The following DRC8 variants were observed in gnomAD, a reference collection of about 807,000 sequenced individuals.
DRC8 encodes the protein dynein regulatory complex protein 8.
the DRC8 span, among the ~76,000 whole-genome samples, chr1:245,088,389 T>C: frequency 6.7e-6 from 1 of 150,286 alleles, no homozygotes; most frequent in African/African-American, 2.5e-5. This position sits in a 1 kb window ranked among gnomAD's most constrained non-coding sequence, Gnocchi z 4.6. Flanking sequence ...TATATGTGTG[T>C]ATCTACATAG....
the DRC8 span, among the ~76,000 whole-genome samples, chr1:245,072,761 C>G: frequency 6.6e-6 from 1 of 152,192 alleles, no homozygotes; most frequent in Non-Finnish European, 1.5e-5. Context: ...AGGCATGGCT[C>G]GGGCCGTCCC....
At chr1:245,048,050 T>G in the DRC8 span, among the ~76,000 whole-genome samples, 1 of 151,792 alleles carries the variant, frequency 6.6e-6, no homozygotes, top group South Asian at 2.1e-4. Flanking sequence ...ATAAAGGTCT[T>G]GATTATCATC....
the DRC8 span, among the ~76,000 whole-genome samples, chr1:245,084,541 A>G: frequency 6.6e-6 from 1 of 152,176 alleles, no homozygotes. Flanking sequence ...ACACTTATAT[A>G]TATATGCCAA....
At chr1:244,971,828 A>G in the DRC8 span, among the ~76,000 whole-genome samples, 1 of 152,290 alleles carries the variant, frequency 6.6e-6, no homozygotes, top group African/African-American at 2.4e-5. Flanking sequence ...CGTGATTTTT[A>G]TGTAATATTA....
the DRC8 span, among the ~76,000 whole-genome samples, chr1:245,046,544 T>C: frequency 2.6e-5 from 4 of 152,198 alleles, no homozygotes; most frequent in Non-Finnish European, 4.4e-5. Context: ...TTCTGCTGTT[T>C]TCCCATGTCT....
At chr1:245,116,903 AT>A in the DRC8 span, among the ~76,000 whole-genome samples, 2,349 of 152,294 alleles carry the variant, frequency 0.015, 47 homozygotes, top group African/African-American at 0.052. Context: ...GCCAGCAACG[AT>A]TTTATCTGAC....
chr1:245,080,251 C>T, the DRC8 span, among the ~76,000 whole-genome samples: 1 of 152,074 alleles, frequency 6.6e-6, no homozygotes, highest in Non-Finnish European at 1.5e-5. Flanking sequence ...ATGTACAGCT[C>T]CTTATAGATA....
At chr1:245,007,221 C>T in the DRC8 span, among the ~76,000 whole-genome samples, 1,216 of 151,910 alleles carry the variant, frequency 8.0e-3, 8 homozygotes, top group Non-Finnish European at 0.012. Context: ...AAAGCCTGGT[C>T]TCTTCAACAA....
At chr1:245,016,434 C>G in the DRC8 span, among the ~76,000 whole-genome samples, 3 of 152,300 alleles carry the variant, frequency 2.0e-5, no homozygotes, top group East Asian at 5.8e-4. Context: ...GTCGCCTTAC[C>G]ACAGAGGCAG....
chr1:245,040,809 C>G, the DRC8 span, among the ~76,000 whole-genome samples: 51 of 152,112 alleles, frequency 3.4e-4, no homozygotes, highest in African/African-American at 1.2e-3. Flanking sequence ...AATTACTCAA[C>G]AAATATTTGA....
chr1:245,124,290 A>G, the DRC8 span: 42,062 of 152,110 alleles, frequency 0.28, 7,361 homozygotes, highest in African/African-American at 0.46. Context: ...GGGTCTTCTG[A>G]CAGGCTCCTT....
chr1:244,988,628 A>G, the DRC8 span, among the ~76,000 whole-genome samples: 1 of 152,220 alleles, frequency 6.6e-6, no homozygotes, highest in Non-Finnish European at 1.5e-5. Context: ...AGTAATGCTA[A>G]TAACACTGAG....
the DRC8 span, among the ~76,000 whole-genome samples, chr1:244,983,369 A>C: frequency 6.6e-6 from 1 of 152,186 alleles, no homozygotes; most frequent in South Asian, 2.1e-4. Flanking sequence ...TCATGTCACA[A>C]GTATTTCTTA....
the DRC8 span, among the ~76,000 whole-genome samples, chr1:244,987,807 G>C: frequency 1.3e-5 from 2 of 151,802 alleles, no homozygotes; most frequent in African/African-American, 4.8e-5. Context: ...TCCTCTTGGG[G>C]CTTATTATTT....
chr1:244,978,822 A>T, the DRC8 span, among the ~76,000 whole-genome samples: 1 of 152,094 alleles, frequency 6.6e-6, no homozygotes, highest in African/African-American at 2.4e-5. Flanking sequence ...CACTAGTAAA[A>T]TTGGGAGTTT....
At chr1:244,984,850 CAA>C in the DRC8 span, among the ~76,000 whole-genome samples, 7 of 138,982 alleles carry the variant, frequency 5.0e-5, no homozygotes, top group Non-Finnish European at 6.1e-5. Context: ...ACCCCCCCTT[CAA>C]AAAAAAAAAA....
At chr1:245,118,105 G>T in the DRC8 span, among the ~76,000 whole-genome samples, 3 of 152,208 alleles carry the variant, frequency 2.0e-5, no homozygotes, top group Non-Finnish European at 4.4e-5. Context: ...TACGTGATGG[G>T]CCTGCCCTGT....
the DRC8 span, among the ~76,000 whole-genome samples, chr1:245,103,699 C>G: frequency 7.2e-3 from 1,067 of 148,726 alleles, 4 homozygotes; most frequent in Middle Eastern, 0.017. Context: ...TGACGAGGAT[C>G]AGAGGTGGTC....
chr1:245,040,885 C>T, the DRC8 span, among the ~76,000 whole-genome samples: 2 of 152,124 alleles, frequency 1.3e-5, no homozygotes, highest in African/African-American at 4.8e-5. Context: ...AGCCTCTGCC[C>T]TCCAGGAACT....
Sources: allele counts gnomAD v4.1 joint callset (sites outside exome capture counted in the v4.1 genomes callset), GRCh38; gene constraint gnomAD v4.1.1; non-coding constraint Gnocchi (gnomAD v3.1); transcripts MANE v1.5; gene names NCBI Gene and HGNC (gene_info 2026-07-23, HGNC 2026-07-21).